The following KCNS3 variants were observed in gnomAD, a reference collection of about 807,000 sequenced individuals.
KCNS3 encodes the protein potassium voltage-gated channel modifier subfamily S member 3, also known as delayed-rectifier potassium channel regulatory subunit KCNS3.
In KCNS3, 13 loss-of-function variants were observed where a neutral mutation model predicts 31.0. The observed-to-expected ratio is 0.42, with a 90% CI of 0.27 to 0.67. The LOEUF (loss-of-function observed/expected upper bound fraction) is 0.67, where lower values mean the gene tolerates loss of function less well. Ranked by LOEUF, KCNS3 falls within the 30% of genes least tolerant of loss-of-function variation. The pLI is 0.25. For synonymous variants in KCNS3, 238 were observed against 241.5 expected (o/e 0.99, Z 0.13); for missense variants, 545 against 622.4 (o/e 0.88, Z 1.32).
At position 17,931,145 on chromosome 2, in the gene KCNS3, C is replaced by T; in HGVS notation, c.137C>T (p.Thr46Ile). 1 of 1,614,194 alleles carries T rather than the reference C, an allele frequency of 6.2e-7. No individual in the cohort carries two copies. Among genetic ancestry groups the T allele is most frequent in the Non-Finnish European group, 8.5e-7 (1 of 1,180,018 alleles). Residue 46 changes from threonine to isoleucine, a missense_variant, in exon 3 of 3, where the codon ACT becomes ATT. Transcript: ENST00000304101. This position sits in a 1 kb window ranked among gnomAD's most constrained non-coding sequence, Gnocchi z 5.4. The part of the protein sequence containing the change: ...FPHTRLGKLL[T>I]CHSEEAILEL... ...CACACCAGACTGGGGAAGCTGCTTA[C>T]TTGCCATTCTGAAGAGGCCATTCTG...
Position 17,932,034 on chromosome 2 carries a change from C to G in KCNS3, c.1026C>G (p.Ile342Met). 6.2e-7 allele frequency: 1 copy of G among 1,614,158 alleles called. No homozygotes were observed. Residue 342 changes from isoleucine to methionine, a missense_variant, in exon 3 of 3, where the codon ATC becomes ATG. By Grantham distance (10) the Ile-to-Met change is conservative. Coordinates refer to ENST00000304101, the MANE Select transcript of KCNS3 (RefSeq NM_002252.5). ...GCATTTCCATTTTCTCTGTGCTTAT[C>G]TACTCCGTGGAGAAAGATGACCACA... ...SVGISIFSVL[I>M]YSVEKDDHTS...
intron 1 of KCNS3, among the ~76,000 whole-genome samples, chr2:17,908,632 G>A (rs894650686): frequency 3.9e-5 from 6 of 152,146 alleles, no homozygotes; most frequent in Non-Finnish European, 7.3e-5. Flanking sequence ...GTACAGATGG[G>A]GTTTTGGTGT....
At position 17,893,512 on chromosome 2, in the gene KCNS3, T is replaced by G. The variant is rs189706099; in HGVS notation, c.-252+14706T>G. ...CTTCTCCTTGTTGAATTTTACCCCC[T>G]GCATCTCTGGGCACCCTCATGATGG... On this transcript the variant is annotated intron_variant, in intron 1 of 2. Transcript: ENST00000304101. Among the ~76,000 whole-genome samples the G allele has an allele frequency of 4.6e-5, 7 of 152,344 alleles. No individual in the cohort carries two copies. The East Asian group carries it at 1.2e-3, about 25-fold the overall frequency.
intron 1 of KCNS3, among the ~76,000 whole-genome samples, chr2:17,915,397 T>A (rs758297420): frequency 7.9e-5 from 12 of 152,202 alleles, no homozygotes; most frequent in Non-Finnish European, 1.6e-4. Context: ...GAGGATATGT[T>A]GAATGGACAC....
chr2:17,920,445 G>A (rs1276766497), intron 2 of KCNS3, among the ~76,000 whole-genome samples: 2 of 152,208 alleles, frequency 1.3e-5, no homozygotes, highest in African/African-American at 2.4e-5. Flanking sequence ...GCAGGAAGTG[G>A]ACCAAGAGGA....
At chr2:17,910,635 T>G (rs11894724) in intron 1 of KCNS3, among the ~76,000 whole-genome samples, 1 of 151,898 alleles carries the variant, frequency 6.6e-6, no homozygotes, top group Non-Finnish European at 1.5e-5. Flanking sequence ...GTGTCTACTT[T>G]TTTTTTTTTT....
chr2:17,879,757 C>T (rs979601204), intron 1 of KCNS3, among the ~76,000 whole-genome samples: 5 of 152,152 alleles, frequency 3.3e-5, no homozygotes, highest in Non-Finnish European at 5.9e-5. Flanking sequence ...CCGGTTTTGT[C>T]TGGGGAGACC....
chr2:17,899,055 G>T (rs1662099734), intron 1 of KCNS3, among the ~76,000 whole-genome samples: 2 of 151,998 alleles, frequency 1.3e-5, no homozygotes, highest in African/African-American at 4.8e-5. Flanking sequence ...GTGAAACCCC[G>T]TCACCACTAA....
At chr2:17,910,302 G>T (rs1227049864) in intron 1 of KCNS3, among the ~76,000 whole-genome samples, 5 of 152,178 alleles carry the variant, frequency 3.3e-5, no homozygotes, top group Non-Finnish European at 5.9e-5. Context: ...CTATTGGTGT[G>T]AAGTCATTGG....
intron 1 of KCNS3, among the ~76,000 whole-genome samples, chr2:17,893,272 C>A (rs1249568314): frequency 7.2e-5 from 11 of 152,304 alleles, no homozygotes; most frequent in Middle Eastern, 3.4e-3. Context: ...CACCCTGTCC[C>A]CTCCTACAGC....
chr2:17,904,521 T>G (rs1236245004), intron 1 of KCNS3, among the ~76,000 whole-genome samples: 10 of 152,250 alleles, frequency 6.6e-5, no homozygotes, highest in Non-Finnish European at 1.0e-4. Flanking sequence ...GTTTTAGACA[T>G]GAAGTCCTTG....
intron 1 of KCNS3, among the ~76,000 whole-genome samples, chr2:17,900,998 T>C (rs1183297564): frequency 6.6e-6 from 1 of 152,206 alleles, no homozygotes; most frequent in East Asian, 1.9e-4. Context: ...ATCCATGCTT[T>C]ATAAATAGGG....
At chr2:17,890,453 C>T (rs1416214807) in intron 1 of KCNS3, among the ~76,000 whole-genome samples, 1 of 148,414 alleles carries the variant, frequency 6.7e-6, no homozygotes, top group Non-Finnish European at 1.5e-5. Flanking sequence ...TTGGTTATTT[C>T]CTTCTTCTGC....
chr2:17,897,727 C>T (rs1317984875), intron 1 of KCNS3, among the ~76,000 whole-genome samples: 1 of 152,146 alleles, frequency 6.6e-6, no homozygotes, highest in African/African-American at 2.4e-5. Context: ...TATAGGCTGT[C>T]TGTTTACTCT....
At chr2:17,882,605 G>T (rs1364533675) in intron 1 of KCNS3, among the ~76,000 whole-genome samples, 2 of 152,170 alleles carry the variant, frequency 1.3e-5, no homozygotes, top group Non-Finnish European at 2.9e-5. Flanking sequence ...ACTACTGTGG[G>T]TGCTTATTGG....
rs559267427 is a variant in KCNS3, at chr2:17,901,814, T to G, written c.-251-15866T>G. ...CAACATTTAAAAAATTGGGGAAGTT[T>G]TTTATAAAAATAAAATTTGTTGGTG... On this transcript the variant is annotated intron_variant, in intron 1 of 2. Coordinates refer to ENST00000304101, the MANE Select transcript of KCNS3 (RefSeq NM_002252.5). Among the ~76,000 whole-genome samples, 3 of 152,118 alleles carry G rather than the reference T, an allele frequency of 2.0e-5. No homozygotes were observed. The South Asian group carries it at 6.2e-4, about 32-fold the overall frequency.
intron 1 of KCNS3, among the ~76,000 whole-genome samples, chr2:17,910,262 C>T (rs1336502648): frequency 6.6e-6 from 1 of 152,172 alleles, no homozygotes; most frequent in Non-Finnish European, 1.5e-5. Context: ...TCTTCAATAA[C>T]TCTGATAGGA....
In KCNS3 at chr2:17,931,678, G is replaced by C; in HGVS notation, c.670G>C (p.Gly224Arg). Residue 224 changes from glycine to arginine, a missense_variant, in exon 3 of 3, where the codon GGA (glycine) becomes CGA (arginine). Transcript: ENST00000304101. The surrounding 1 kb of genome is among the most constrained non-coding windows in gnomAD (Gnocchi z 5.4). ...AGAAGTGGATGATCCGGTGCTGGAA[G>C]GAGTGGAGATCGCGTGCATTGCCTG... ...DGEVDDPVLE[G>R]VEIACIAWFT... 1 of 1,614,226 alleles carries C rather than the reference G, an allele frequency of 6.2e-7. No homozygotes were observed. The highest frequency in any genetic ancestry group is 8.5e-7 in the Non-Finnish European group (1 of 1,180,036).
intron 1 of KCNS3, among the ~76,000 whole-genome samples, chr2:17,890,312 C>T (rs899020711): frequency 6.6e-6 from 1 of 151,996 alleles, no homozygotes; most frequent in Non-Finnish European, 1.5e-5. Flanking sequence ...GATTTTCTCT[C>T]TTCTTTTCTA....
Sources: gnomAD v4.1 joint callset for allele counts (sites outside exome capture counted in the v4.1 genomes callset) on GRCh38, gnomAD v4.1.1 for gene constraint, Gnocchi (gnomAD v3.1) non-coding constraint, MANE v1.5 for transcripts, NCBI Gene and HGNC (gene_info 2026-07-23, HGNC 2026-07-21) for gene names.